Variants in ABTB3 observed in about 807,000 individuals in gnomAD.
ABTB3 encodes ankyrin repeat and BTB domain containing 3.
chr12:107,619,605 T>C, the ABTB3 span, among the ~76,000 whole-genome samples: 1 of 152,096 alleles, frequency 6.6e-6, no homozygotes, highest in South Asian at 2.1e-4. Context: ...CCCCAGTAAG[T>C]AGAGGGGATG....
the ABTB3 span, among the ~76,000 whole-genome samples, chr12:107,637,378 T>A: frequency 6.6e-6 from 1 of 152,002 alleles, no homozygotes; most frequent in African/African-American, 2.4e-5. Flanking sequence ...GGCAACAGAT[T>A]GAGACTCCAT....
At chr12:107,415,457 C>T in the ABTB3 span, among the ~76,000 whole-genome samples, 3 of 151,994 alleles carry the variant, frequency 2.0e-5, no homozygotes, top group African/African-American at 7.3e-5. Flanking sequence ...ACCTGTAATC[C>T]GAGCACTTTG....
chr12:107,382,796 AAATACCT>A, the ABTB3 span, among the ~76,000 whole-genome samples: 1 of 152,118 alleles, frequency 6.6e-6, no homozygotes, highest in African/African-American at 2.4e-5. Context: ...GCATTAGGAG[AAATACCT>A]AATGTAGGTG....
chr12:107,438,630 G>T, the ABTB3 span, among the ~76,000 whole-genome samples: 1 of 152,128 alleles, frequency 6.6e-6, no homozygotes, highest in Non-Finnish European at 1.5e-5. Context: ...AAAGACATCA[G>T]CCATCTGAAA....
At chr12:107,404,191 AAAG>A in the ABTB3 span, among the ~76,000 whole-genome samples, 6 of 150,802 alleles carry the variant, frequency 4.0e-5, no homozygotes, top group Admixed American at 1.3e-4. Flanking sequence ...AAAAAAAGGA[AAAG>A]AAGAAGAAGA....
chr12:107,341,318 C>G, the ABTB3 span, among the ~76,000 whole-genome samples: 1 of 152,272 alleles, frequency 6.6e-6, no homozygotes, highest in South Asian at 2.1e-4. Context: ...GAGGGTCAAC[C>G]TGGAGGTTGA....
the ABTB3 span, among the ~76,000 whole-genome samples, chr12:107,469,173 G>A: frequency 6.6e-6 from 1 of 152,208 alleles, no homozygotes; most frequent in Non-Finnish European, 1.5e-5. Context: ...GCTCTGGACG[G>A]CCACAGGCCT....
At chr12:107,641,425 T>C in the ABTB3 span, among the ~76,000 whole-genome samples, 1 of 152,198 alleles carries the variant, frequency 6.6e-6, no homozygotes, top group Admixed American at 6.5e-5. Context: ...TGTAAATCTA[T>C]AATTTCAAAA....
At chr12:107,378,364 A>G in the ABTB3 span, among the ~76,000 whole-genome samples, 1 of 152,228 alleles carries the variant, frequency 6.6e-6, no homozygotes. Context: ...GCTATTAATT[A>G]TTGAGCACTC....
the ABTB3 span, chr12:107,657,480 A>G: frequency 2.5e-6 from 4 of 1,596,298 alleles, no homozygotes; most frequent in Non-Finnish European, 3.4e-6. Flanking sequence ...AAGCGTAACC[A>G]TCTCCCATTT....
At chr12:107,570,687 T>C in the ABTB3 span, among the ~76,000 whole-genome samples, 2 of 152,206 alleles carry the variant, frequency 1.3e-5, no homozygotes, top group Non-Finnish European at 2.9e-5. Context: ...TTTTCAACTG[T>C]AGTCCTATCT....
chr12:107,549,454 C>G, the ABTB3 span, among the ~76,000 whole-genome samples: 1 of 152,238 alleles, frequency 6.6e-6, no homozygotes, highest in Non-Finnish European at 1.5e-5. Context: ...TAGCTCTACT[C>G]TGTTCTTTTC....
At chr12:107,429,937 A>G in the ABTB3 span, among the ~76,000 whole-genome samples, 1 of 152,234 alleles carries the variant, frequency 6.6e-6, no homozygotes, top group South Asian at 2.1e-4. Flanking sequence ...TTATTTTTAA[A>G]TAGCATGTTT....
At chr12:107,578,373 CTTTCTTCTTCTTTT>C in the ABTB3 span, among the ~76,000 whole-genome samples, 1 of 42,770 alleles carries the variant, frequency 2.3e-5, no homozygotes, top group Non-Finnish European at 5.3e-5. Context: ...GAGCCTTTTT[CTTTCTTCTTCTTTT>C]TTTTTTTTTT....
the ABTB3 span, among the ~76,000 whole-genome samples, chr12:107,373,065 A>G: frequency 6.6e-6 from 1 of 152,196 alleles, no homozygotes; most frequent in Non-Finnish European, 1.5e-5. Context: ...CCTCAAAAAG[A>G]ATGCCTCCAG....
the ABTB3 span, among the ~76,000 whole-genome samples, chr12:107,559,299 C>T: frequency 6.6e-6 from 1 of 152,344 alleles, no homozygotes; most frequent in Non-Finnish European, 1.5e-5. Flanking sequence ...CATTGGCCTC[C>T]CCAGGTTGTT....
the ABTB3 span, among the ~76,000 whole-genome samples, chr12:107,633,676 A>G: frequency 6.6e-6 from 1 of 152,190 alleles, no homozygotes; most frequent in Non-Finnish European, 1.5e-5. Flanking sequence ...CTTGTGGTCT[A>G]TGGAGCACGT....
the ABTB3 span, among the ~76,000 whole-genome samples, chr12:107,621,373 A>C: frequency 6.6e-6 from 1 of 152,352 alleles, no homozygotes; most frequent in Non-Finnish European, 1.5e-5. Context: ...CTTAAAAATA[A>C]GTAGCTGAAT....
At chr12:107,432,170 C>A in the ABTB3 span, among the ~76,000 whole-genome samples, 4 of 152,100 alleles carry the variant, frequency 2.6e-5, no homozygotes, top group African/African-American at 9.7e-5. Context: ...CAACACAGAG[C>A]GTGTATGACC....
Sources: gnomAD v4.1 joint callset for allele counts (sites outside exome capture counted in the v4.1 genomes callset) on GRCh38, gnomAD v4.1.1 for gene constraint, MANE v1.5 for transcripts, NCBI Gene and HGNC (gene_info 2026-07-23, HGNC 2026-07-21) for gene names.